The following PLEKHA7 variants were observed in gnomAD, a reference collection of about 807,000 sequenced individuals.
The protein encoded by PLEKHA7 is pleckstrin homology domain-containing family A member 7.
In PLEKHA7, 104 loss-of-function variants were observed where a neutral mutation model predicts 170.0. The observed-to-expected ratio is 0.61, with a 90% CI of 0.52 to 0.72. The LOEUF is 0.72. PLEKHA7 is among the 30% of genes least tolerant of loss of function. The pLI, the probability that PLEKHA7 is intolerant of heterozygous loss-of-function variation, is 0.00. For missense variants in PLEKHA7, 1,615 were observed against 1,671.7 expected (o/e 0.97, Z 0.59); for synonymous variants, 648 against 660.8 (o/e 0.98, Z 0.30).
At chr11:16,944,286 G>A (rs965149855) in intron 3 of PLEKHA7, among the ~76,000 whole-genome samples, 3 of 151,692 alleles carry the variant, frequency 2.0e-5, no homozygotes, top group Admixed American at 1.3e-4. Flanking sequence ...CCCAGGAGGC[G>A]GAGGTTGCAG....
chr11:16,913,176 CT>C (rs1424357759), intron 3 of PLEKHA7, among the ~76,000 whole-genome samples: 3 of 152,188 alleles, frequency 2.0e-5, no homozygotes, highest in Non-Finnish European at 4.4e-5. Context: ...TCTTCCTTCA[CT>C]GTACATTTAC....
In PLEKHA7 at chr11:16,818,452, A is replaced by G. The variant is rs185534121; in HGVS notation, c.1344-1130T>C. Among the ~76,000 whole-genome samples the G allele has an allele frequency of 8.5e-5, 13 of 152,162 alleles. No homozygotes were observed. The East Asian group carries it at 2.5e-3, about 29-fold the overall frequency. ...GGTCTCCCCTTGCTCTATTTACCCA[A>G]GTCTTACTCATTCTCTAGGATGCTG... On this transcript the variant is annotated intron_variant, in intron 10 of 26. Transcript: ENST00000531066.
At chr11:16,858,825 A>T (rs1590365362) in intron 4 of PLEKHA7, among the ~76,000 whole-genome samples, 1 of 152,290 alleles carries the variant, frequency 6.6e-6, no homozygotes, top group African/African-American at 2.4e-5. Flanking sequence ...TCACCAGTGC[A>T]GTATAAAGCA....
intron 23 of PLEKHA7, 29 bp from the exon 24 acceptor site, chr11:16,786,416 G>A (rs1469830526): frequency 6.5e-7 from 1 of 1,534,964 alleles, no homozygotes; most frequent in African/African-American, 1.4e-5. Context: ...GTTAAACGTA[G>A]TCGCTTCCTG....
chr11:16,778,653 T>C lies in PLEKHA7; in HGVS notation c.*345A>G, dbSNP rs559914444. On this transcript the variant is annotated 3_prime_UTR_variant, in exon 27 of 27. Coordinates refer to ENST00000531066, the MANE Select transcript of PLEKHA7 (RefSeq NM_001329630.2). ...ACAACACCTGTCACCCAGAAGTACCTGAATCTGTACGTGCAGCTGCAAAGT... is the reference window on the plus strand; with the variant it reads ...ACAACACCTGTCACCCAGAAGTACCCGAATCTGTACGTGCAGCTGCAAAGT... 81 of 320,518 alleles carry C rather than the reference T, an allele frequency of 2.5e-4. No individual in the cohort carries two copies. The highest frequency in any genetic ancestry group is 1.7e-3 in the African/African-American group (79 of 47,346). The allele number at this position is 320,518 out of a possible 1,614,324, so 19.9% of individuals were successfully genotyped here. A position where few individuals can be genotyped will look rare whatever the true frequency, so the allele number is the denominator to read the frequency against.
chr11:16,884,840 AT>A (rs1855961883), intron 3 of PLEKHA7, among the ~76,000 whole-genome samples: 2 of 152,136 alleles, frequency 1.3e-5, no homozygotes, highest in African/African-American at 4.8e-5. Context: ...AACATTTCTA[AT>A]TTTTTTACAG....
In PLEKHA7 at chr11:16,854,905, C is replaced by T. The variant is rs1435454101; in HGVS notation, c.506G>A (p.Gly169Asp). 7 of 1,613,818 alleles carry T rather than the reference C, an allele frequency of 4.3e-6. No homozygotes were observed. The highest frequency in any genetic ancestry group is 2.2e-5 in the South Asian group (2 of 91,076). The part of the protein sequence containing the change: ...RNPNVPVVVR[G>D]WLHKQDSSGM... ...CTTCCTCACCTGCTTGTGCAGCCAGCCCCTCACCACCACGGGAACATTGGG... is the reference window on the plus strand; with the variant it reads ...CTTCCTCACCTGCTTGTGCAGCCAGTCCCTCACCACCACGGGAACATTGGG... Residue 169 changes from glycine (G) to aspartate (D), a missense_variant, in exon 6 of 27, where the codon GGC becomes GAC. Transcript: ENST00000531066.
intron 3 of PLEKHA7, among the ~76,000 whole-genome samples, chr11:16,975,378 G>A (rs894627374): frequency 6.6e-6 from 1 of 152,098 alleles, no homozygotes; most frequent in Non-Finnish European, 1.5e-5. Flanking sequence ...ATCGATTACT[G>A]GCTAAGTAAA....
chr11:17,003,047 C>T (rs1226546998), intron 3 of PLEKHA7, among the ~76,000 whole-genome samples: 1 of 134,634 alleles, frequency 7.4e-6, no homozygotes. Flanking sequence ...GGCTGGCATG[C>T]AATGGCGCAA....
intron 3 of PLEKHA7, among the ~76,000 whole-genome samples, chr11:16,967,600 C>G (rs1862451795): frequency 6.6e-6 from 1 of 152,152 alleles, no homozygotes; most frequent in Non-Finnish European, 1.5e-5. Context: ...GTCAGAGAGT[C>G]CTGGGCCTCA....
chr11:17,003,053 C>T (rs1864773404), intron 3 of PLEKHA7, among the ~76,000 whole-genome samples: 1 of 139,996 alleles, frequency 7.1e-6, no homozygotes, highest in Non-Finnish European at 1.5e-5. Context: ...CATGCAATGG[C>T]GCAATTTCGG....
intron 17 of PLEKHA7, among the ~76,000 whole-genome samples, chr11:16,798,956 G>A (rs969436550): frequency 1.3e-5 from 2 of 152,226 alleles, no homozygotes; most frequent in Admixed American, 6.5e-5. Context: ...CTATGAAATA[G>A]TATGTAACAG....
intron 3 of PLEKHA7, among the ~76,000 whole-genome samples, chr11:16,921,868 G>A (rs1371719063): frequency 6.6e-6 from 1 of 152,238 alleles, no homozygotes; most frequent in African/African-American, 2.4e-5. Context: ...CTGGCTCAAA[G>A]AGATAAAAGG....
At chr11:16,862,615 G>A (rs1854054119) in intron 4 of PLEKHA7, among the ~76,000 whole-genome samples, 1 of 152,192 alleles carries the variant, frequency 6.6e-6, no homozygotes, top group Admixed American at 6.5e-5. Flanking sequence ...TTTTTGCCCA[G>A]CACAGACAGA....
chr11:17,006,553 G>A (rs565113273), intron 3 of PLEKHA7, among the ~76,000 whole-genome samples: 5 of 151,484 alleles, frequency 3.3e-5, no homozygotes, highest in South Asian at 4.2e-4. Context: ...GCTTGAACCC[G>A]GGAAGCAGAG....
At chr11:16,785,513 C>T (rs1197361954) in intron 24 of PLEKHA7, among the ~76,000 whole-genome samples, 2 of 152,230 alleles carry the variant, frequency 1.3e-5, no homozygotes. Flanking sequence ...GCCATAGACG[C>T]TGCCCTGAAG....
intron 3 of PLEKHA7, among the ~76,000 whole-genome samples, chr11:16,890,839 A>G (rs1056635350): frequency 6.6e-6 from 1 of 152,178 alleles, no homozygotes; most frequent in Admixed American, 6.5e-5. Context: ...ATTTCCACTA[A>G]CATGAAAAAA....
intron 4 of PLEKHA7, among the ~76,000 whole-genome samples, chr11:16,857,804 C>T (rs1462131079): frequency 5.3e-5 from 8 of 152,222 alleles, no homozygotes; most frequent in African/African-American, 1.2e-4. Flanking sequence ...CTGCAACTTC[C>T]GCCTCCTGGG....
At chr11:16,909,573 G>A (rs557204952) in intron 3 of PLEKHA7, among the ~76,000 whole-genome samples, 2 of 152,312 alleles carry the variant, frequency 1.3e-5, no homozygotes, top group South Asian at 2.1e-4. Flanking sequence ...ACTGTGCTGA[G>A]AGCCTGAGCT....
Sources: gnomAD v4.1 joint callset for allele counts (sites outside exome capture counted in the v4.1 genomes callset) on GRCh38, gnomAD v4.1.1 for gene constraint, MANE v1.5 for transcripts, NCBI Gene and HGNC (gene_info 2026-07-23, HGNC 2026-07-21) for gene names.